CAMSAP3: variants seen among roughly 807,000 people sequenced by gnomAD.
The protein encoded by CAMSAP3 is calmodulin-regulated spectrin-associated protein 3.
In CAMSAP3, 34 loss-of-function variants were observed where a neutral mutation model predicts 112.5. The observed-to-expected ratio is 0.30, with a 90% confidence interval of 0.23 to 0.40. CAMSAP3 has a LOEUF of 0.40. CAMSAP3 is among the 10% of genes least tolerant of loss of function. The pLI is 1.00. For synonymous variants in CAMSAP3, 868 were observed against 799.8 expected, an observed-to-expected ratio of 1.09 and a Z score of -1.44; for missense variants, 1,602 against 1,770.3, an observed-to-expected ratio of 0.90 and a Z score of 1.71.
intron 4 of CAMSAP3, 108 bp from the exon 5 acceptor site, chr19:7,608,018 C>T: frequency 7.2e-7 from 1 of 1,387,090 alleles, no homozygotes; most frequent in East Asian, 2.3e-5. Flanking sequence ...GGACCCCCAG[C>T]TTCCCGCCCC....
rs2030715346 is a variant in CAMSAP3, at chr19:7,615,254, A to G, written c.2742A>G (p.Ala914=). 6.4e-7 allele frequency: 1 copy of G among 1,551,030 alleles called. No homozygotes were observed. The highest frequency in any genetic ancestry group is 8.7e-7 in the Non-Finnish European group (1 of 1,147,406). The change falls in exon 12 of 17, where the codon GCA becomes GCG. Residue 914 remains alanine (A), a synonymous_variant. Transcript: ENST00000160298. The surrounding 1 kb of genome is among the most constrained non-coding windows in gnomAD (Gnocchi z 6.5). ...TGCTGGAGCGGCAGCAGCGGCGAGCAGAGGAGGCGCGGCGGCGCAAGCAGT... is the reference window on the plus strand; with the variant it reads ...TGCTGGAGCGGCAGCAGCGGCGAGCGGAGGAGGCGCGGCGGCGCAAGCAGT... The part of the protein sequence containing the change: ...ASLLERQQRR[A]EEARRRKQWQ...
chr19:7,609,960 G>A (rs562869606), intron 5 of CAMSAP3, among the ~76,000 whole-genome samples: 2 of 152,226 alleles, frequency 1.3e-5, no homozygotes, highest in Admixed American at 6.5e-5. Context: ...CCTGCTGTAC[G>A]GTTCAGTTCC....
rs767235516 is a variant in CAMSAP3, at chr19:7,617,714, G to T, written c.3445-38G>T. 19 of 1,612,734 alleles carry T rather than the reference G, an allele frequency of 1.2e-5. No individual in the cohort carries two copies. In the African/African-American group the frequency reaches 2.4e-4, roughly 20 times the overall value. On this transcript the variant is annotated intron_variant, in intron 16 of 16. Transcript: ENST00000160298. The surrounding 1 kb of genome is among the most constrained non-coding windows in gnomAD (Gnocchi z 7.5). ...GGGCTGGTGGGTGGGTGGGTGGCCT[G>T]ACTTGGCCAGCTGACCATTTCCAGC...
intron 1 of CAMSAP3, among the ~76,000 whole-genome samples, chr19:7,597,378 A>G (rs553045623): frequency 3.3e-5 from 5 of 152,330 alleles, no homozygotes; most frequent in African/African-American, 1.2e-4. Context: ...GGACAGCCCC[A>G]GCTCCTCACT....
intron 1 of CAMSAP3, among the ~76,000 whole-genome samples, chr19:7,604,930 C>T (rs927568384): frequency 6.6e-6 from 1 of 152,044 alleles, no homozygotes; most frequent in Non-Finnish European, 1.5e-5. Flanking sequence ...TTGGGGGTAG[C>T]CTCCCCTCCT....
At chr19:7,606,831 C>T in intron 4 of CAMSAP3, 1 of 1,613,158 alleles carries the variant, frequency 6.2e-7, no homozygotes, top group Non-Finnish European at 8.5e-7. Flanking sequence ...TGTCTGTCCG[C>T]CCCGTCTGCC....
intron 2 of CAMSAP3, among the ~76,000 whole-genome samples, 187 bp from the exon 3 acceptor site, chr19:7,606,084 C>G (rs974855609): frequency 7.9e-5 from 12 of 152,126 alleles, no homozygotes; most frequent in African/African-American, 2.9e-4. Context: ...CGTGGCTTTT[C>G]CGGGACCCCA....
chr19:7,610,866 C>G lies in CAMSAP3; in HGVS notation c.995-11C>G. Reference sequence around the variant, plus strand: ...CCAAACCCCCGCCTGACCCTCTTCTCTGTACTGCAGCTGCCTCCCCCCGGG... The same window carrying G: ...CCAAACCCCCGCCTGACCCTCTTCTGTGTACTGCAGCTGCCTCCCCCCGGG... On this transcript the variant is annotated splice_polypyrimidine_tract_variant and intron_variant, in intron 7 of 16. Coordinates refer to ENST00000160298, the MANE Select transcript of CAMSAP3 (RefSeq NM_020902.2). The surrounding 1 kb of genome is among the most constrained non-coding windows in gnomAD (Gnocchi z 4.9). The G allele has an allele frequency of 6.2e-7, 1 of 1,606,634 alleles. No homozygotes were observed. Among genetic ancestry groups the G allele is most frequent in the South Asian group, 1.1e-5 (1 of 90,250 alleles).
chr19:7,610,391 T>C lies in CAMSAP3; in HGVS notation c.761-85T>C. 1 of 1,252,064 alleles carries C rather than the reference T, an allele frequency of 8.0e-7. No homozygotes were observed. Among genetic ancestry groups the C allele is most frequent in the Non-Finnish European group, 1.1e-6 (1 of 896,974 alleles). 77.6% of individuals were successfully genotyped at this position (1,252,064 alleles called of 1,614,324 possible). A position where few individuals can be genotyped will look rare whatever the true frequency, so the allele number is the denominator to read the frequency against. On this transcript the variant is annotated intron_variant, in intron 5 of 16. Coordinates refer to ENST00000160298, the MANE Select transcript of CAMSAP3 (RefSeq NM_020902.2). This position sits in a 1 kb window ranked among gnomAD's most constrained non-coding sequence, Gnocchi z 4.9. ...CTGGGCTCATAGGAGGTCTTCCGTG[T>C]GTGGGGGACTGCTGGTCCCTGGCTT...
intron 13 of CAMSAP3, 29 bp from the exon 14 acceptor site, chr19:7,616,494 G>A: frequency 6.7e-7 from 1 of 1,503,396 alleles, no homozygotes; most frequent in South Asian, 1.1e-5. Context: ...GGCTTCTGGT[G>A]GGCACTGACC....
chr19:7,605,474 C>A lies in CAMSAP3; in HGVS notation c.397C>A (p.Leu133Ile). 6.9e-7 allele frequency: 1 copy of A among 1,458,444 alleles called. No homozygotes were observed. The highest frequency in any genetic ancestry group is 9.1e-7 in the Non-Finnish European group (1 of 1,104,058). 90.3% of individuals were successfully genotyped at this position (1,458,444 alleles called of 1,614,324 possible). A position where few individuals can be genotyped will look rare whatever the true frequency, so the allele number is the denominator to read the frequency against. Residue 133 changes from leucine (L) to isoleucine (I), a missense_variant, in exon 2 of 17, where the codon CTC becomes ATC. Physicochemically the swap from Leu to Ile is conservative, Grantham distance 5. Coordinates refer to ENST00000160298, the MANE Select transcript of CAMSAP3 (RefSeq NM_020902.2). ...READLRHQPILMGAHLAVIDA... is the reference protein window; with the variant it reads ...READLRHQPIIMGAHLAVIDA... Reference sequence around the variant, plus strand: ...GGCCGACCTGAGGCACCAGCCCATTCTCATGGTAGGCCCCGCCACTGCCTG... The same window carrying A: ...GGCCGACCTGAGGCACCAGCCCATTATCATGGTAGGCCCCGCCACTGCCTG...
At position 7,617,686 on chromosome 19, in the gene CAMSAP3, T is replaced by G. The variant is rs1309926870; in HGVS notation, c.3444+25T>G. ...GGTGAGCCCGCCCACACGTGGGAGTTGGGGGCTGGTGGGTGGGTGGGTGGC... is the reference window on the plus strand; with the variant it reads ...GGTGAGCCCGCCCACACGTGGGAGTGGGGGGCTGGTGGGTGGGTGGGTGGC... On this transcript the variant is annotated intron_variant, in intron 16 of 16. Coordinates refer to ENST00000160298, the MANE Select transcript of CAMSAP3 (RefSeq NM_020902.2). The surrounding 1 kb of genome is among the most constrained non-coding windows in gnomAD (Gnocchi z 7.5). 9 of 1,612,778 alleles carry G rather than the reference T, an allele frequency of 5.6e-6. No individual in the cohort carries two copies. The highest frequency in any genetic ancestry group is 7.6e-6 in the Non-Finnish European group (9 of 1,178,952).
intron 13 of CAMSAP3, 139 bp from the exon 14 acceptor site, chr19:7,616,384 C>T: frequency 4.6e-6 from 3 of 653,360 alleles, no homozygotes; most frequent in Non-Finnish European, 5.5e-6. Flanking sequence ...AGAGGGGTCC[C>T]CCCATAGGGG....
In CAMSAP3 at chr19:7,595,941, C is replaced by T; in HGVS notation, c.-62C>T. 4.6e-6 allele frequency: 4 copies of T among 873,438 alleles called. No homozygotes were observed. In the South Asian group the frequency reaches 1.5e-4, roughly 33 times the overall value. The allele number at this position is 873,438 out of a possible 1,614,324, so 54.1% of individuals were successfully genotyped here. Reference sequence around the variant, plus strand: ...AGCGGGCCCGGCTGGGGCGCGAGCGCGGCGCAGCCCAGCCCAGCCCAGTCC... The same window carrying T: ...AGCGGGCCCGGCTGGGGCGCGAGCGTGGCGCAGCCCAGCCCAGCCCAGTCC... On this transcript the variant is annotated 5_prime_UTR_variant, in exon 1 of 17. Transcript: ENST00000160298.
At chr19:7,597,857 A>C (rs2024470871) in intron 1 of CAMSAP3, among the ~76,000 whole-genome samples, 1 of 151,898 alleles carries the variant, frequency 6.6e-6, no homozygotes, top group Non-Finnish European at 1.5e-5. Context: ...CAGTGCCCTG[A>C]CTCACCCAGT....
chr19:7,603,588 T>A, intron 1 of CAMSAP3, among the ~76,000 whole-genome samples: 1 of 152,080 alleles, frequency 6.6e-6, no homozygotes, highest in Non-Finnish European at 1.5e-5. Context: ...GGCTTACCCC[T>A]ATAATCCCAG....
At position 7,610,845 on chromosome 19, in the gene CAMSAP3, AC is replaced by A. The variant is rs753503636; in HGVS notation, c.995-27del. On this transcript the variant is annotated intron_variant, in intron 7 of 16. Coordinates refer to ENST00000160298, the MANE Select transcript of CAMSAP3 (RefSeq NM_020902.2). The surrounding 1 kb of genome is among the most constrained non-coding windows in gnomAD (Gnocchi z 4.9). ...GGTCGGGGGCGGGTGGGAGAGCCAA[AC>A]CCCCGCCTGACCCTCTTCTCTGTAC... The A allele has an allele frequency of 6.2e-7, 1 of 1,608,754 alleles. No individual in the cohort carries two copies. The highest frequency in any genetic ancestry group is 1.3e-5 in the African/African-American group (1 of 74,790).
intron 1 of CAMSAP3, among the ~76,000 whole-genome samples, 188 bp from the exon 2 acceptor site, chr19:7,605,038 C>A (rs181230533): frequency 3.9e-5 from 6 of 152,078 alleles, no homozygotes; most frequent in Non-Finnish European, 8.8e-5. Flanking sequence ...ACGCCATCAC[C>A]CCTTCCTCCA....
At position 7,612,312 on chromosome 19, in the gene CAMSAP3, C is replaced by A; in HGVS notation, c.1819C>A (p.Leu607Met). 1 of 1,605,392 alleles carries A rather than the reference C, an allele frequency of 6.2e-7. No individual in the cohort carries two copies. Among genetic ancestry groups the A allele is most frequent in the East Asian group, 2.2e-5 (1 of 44,630 alleles). Residue 607 changes from leucine to methionine, a missense_variant, in exon 11 of 17, where the codon CTG becomes ATG. Physicochemically the swap from Leu to Met is conservative, Grantham distance 15. This residue lies in a region of CAMSAP3 where 1,100 missense variants were observed against 1,135.7 expected (regional missense o/e 0.97). Transcript: ENST00000160298. ...SSEMSELSAR[L>M]EEKRRAIEAQ... Reference sequence around the variant, plus strand: ...GGAGATGAGTGAGCTCAGCGCCCGGCTGGAGGAGAAACGCAGAGCCATCGA... The same window carrying A: ...GGAGATGAGTGAGCTCAGCGCCCGGATGGAGGAGAAACGCAGAGCCATCGA...
Sources: allele counts gnomAD v4.1 joint callset (sites outside exome capture counted in the v4.1 genomes callset), GRCh38; gene constraint gnomAD v4.1.1; regional missense constraint gnomAD v4.1.1; non-coding constraint Gnocchi (gnomAD v3.1); transcripts MANE v1.5; gene names NCBI Gene and HGNC (gene_info 2026-07-23, HGNC 2026-07-21).